SCN11A: variants seen among roughly 807,000 people sequenced by gnomAD.
The protein encoded by SCN11A is sodium voltage-gated channel alpha subunit 11.
Under a neutral mutation model 162.2 loss-of-function variants are expected in SCN11A, and 122 were observed. That is an observed-to-expected ratio of 0.75 (90% CI 0.65 to 0.87). The LOEUF is 0.87. SCN11A is among the 40% of genes least tolerant of loss of function. The pLI is 0.00. For missense variants in SCN11A, 2,015 were observed against 2,181.6 expected (o/e 0.92, Z 1.52); for synonymous variants, 758 against 751.5 (o/e 1.01, Z -0.14).
chr3:38,871,700 G>T lies in SCN11A; in HGVS notation c.3504C>A (p.Val1168=). ...LSQFEGMKVV[V]NALIGAIPAI... ...CAGGTATGGCACCTATGAGAGCATTGACCACCACCTTATGGAAACAAAAGC... is the reference window on the plus strand; with the variant it reads ...CAGGTATGGCACCTATGAGAGCATTTACCACCACCTTATGGAAACAAAAGC... The change falls in exon 25 of 30, where the codon GTC becomes GTA. Residue 1168 remains valine, a synonymous_variant. Coordinates refer to ENST00000302328, the MANE Select transcript of SCN11A (RefSeq NM_001349253.2). 1 of 1,597,160 alleles carries T rather than the reference G, an allele frequency of 6.3e-7. No individual in the cohort carries two copies. The highest frequency in any genetic ancestry group is 1.1e-5 in the South Asian group (1 of 87,394).
At chr3:38,850,814 A>G in intron 28 of SCN11A, 63 bp from the exon 29 acceptor site, 1 of 1,344,836 alleles carries the variant, frequency 7.4e-7, no homozygotes, top group Non-Finnish European at 1.0e-6. Flanking sequence ...TACAATAAAA[A>G]GAACATAAAT....
chr3:39,051,551 A>C (rs184530504), intron 1 of SCN11A, among the ~76,000 whole-genome samples: 5 of 152,120 alleles, frequency 3.3e-5, no homozygotes, highest in Non-Finnish European at 5.9e-5. Flanking sequence ...AAGGACTTCT[A>C]TCTCTCCCCC....
chr3:39,012,088 G>A (rs2031156118), intron 2 of SCN11A, among the ~76,000 whole-genome samples: 1 of 152,168 alleles, frequency 6.6e-6, no homozygotes, highest in African/African-American at 2.4e-5. Flanking sequence ...CACTTTGGGA[G>A]GCCAAGGCGG....
chr3:39,029,132 G>A (rs572948268), intron 2 of SCN11A, among the ~76,000 whole-genome samples: 3 of 152,018 alleles, frequency 2.0e-5, no homozygotes, highest in South Asian at 4.1e-4. Flanking sequence ...TTAATATACC[G>A]GTAGGTAAAT....
intron 19 of SCN11A, among the ~76,000 whole-genome samples, chr3:38,889,836 AT>A (rs202056017): frequency 2.2e-5 from 3 of 134,408 alleles, no homozygotes. Flanking sequence ...ATAAAATAAA[AT>A]AAAATAAAAT....
chr3:38,876,901 C>T (rs965969841), intron 23 of SCN11A, among the ~76,000 whole-genome samples: 2 of 151,660 alleles, frequency 1.3e-5, no homozygotes, highest in Non-Finnish European at 2.9e-5. Context: ...CACTTGCACA[C>T]ACGTTTATAG....
intron 24 of SCN11A, 81 bp from the exon 25 acceptor site, chr3:38,871,789 T>C: frequency 8.7e-7 from 1 of 1,152,010 alleles, no homozygotes; most frequent in Non-Finnish European, 1.2e-6. Context: ...ATGGGCCTGA[T>C]GTGCAGGGCT....
chr3:38,920,519 C>T (rs777116165), intron 10 of SCN11A, among the ~76,000 whole-genome samples: 2 of 152,008 alleles, frequency 1.3e-5, no homozygotes, highest in African/African-American at 2.4e-5. Context: ...GGTGAAACCT[C>T]GTCTCTACTA....
chr3:39,020,575 GA>G, intron 2 of SCN11A, among the ~76,000 whole-genome samples: 1 of 152,214 alleles, frequency 6.6e-6, no homozygotes, highest in Non-Finnish European at 1.5e-5. Flanking sequence ...CCTTGAGAGA[GA>G]AAATCGAAGG....
intron 1 of SCN11A, among the ~76,000 whole-genome samples, chr3:39,051,597 T>G (rs955533165): frequency 6.6e-6 from 1 of 152,190 alleles, no homozygotes; most frequent in African/African-American, 2.4e-5. Flanking sequence ...CATTTTTAGG[T>G]ACTTAACAGT....
intron 11 of SCN11A, among the ~76,000 whole-genome samples, chr3:38,913,108 G>A (rs1006899169): frequency 4.6e-5 from 7 of 152,120 alleles, no homozygotes; most frequent in Admixed American, 4.6e-4. Context: ...TACTAACAGT[G>A]TATGTGTTCC....
At position 38,925,495 on chromosome 3, in the gene SCN11A, A is replaced by G; in HGVS notation, c.632T>C (p.Ile211Thr). The change falls in exon 9 of 30, where the codon ATT (isoleucine) becomes ACT (threonine). Residue 211 changes from isoleucine to threonine, a missense_variant. By Grantham distance (89) the Ile-to-Thr change is moderately conservative (BLOSUM62 -1). Coordinates refer to ENST00000302328, the MANE Select transcript of SCN11A (RefSeq NM_001349253.2). Reference protein sequence around the residue: ...IVIGIAIVSYIPGITIKLLPL... With the variant: ...IVIGIAIVSYTPGITIKLLPL... ...CAATAGTTTGATGGTGATTCCTGGA[A>G]TATATGACACAATCCTACAAGACAA... The G allele has an allele frequency of 6.2e-7, 1 of 1,612,362 alleles. No homozygotes were observed. The highest frequency in any genetic ancestry group is 1.3e-5 in the African/African-American group (1 of 74,986).
intron 20 of SCN11A, 44 bp from the exon 21 acceptor site, chr3:38,885,446 C>T (rs1440662056): frequency 9.9e-7 from 1 of 1,012,994 alleles, no homozygotes; most frequent in South Asian, 1.3e-5. Context: ...TTACTAAGAC[C>T]TTCTTTCACC....
At position 38,845,884 on chromosome 3, in the gene SCN11A, C is replaced by T. The variant is rs2064652240; in HGVS notation, c.*810G>A. 1 of 151,694 alleles carries T rather than the reference C, an allele frequency of 6.6e-6. No individual in the cohort carries two copies. Among genetic ancestry groups the T allele is most frequent in the African/African-American group, 2.4e-5 (1 of 41,246 alleles). The allele number at this position is 151,694 out of a possible 1,614,324, so 9.4% of individuals were successfully genotyped here. On this transcript the variant is annotated 3_prime_UTR_variant, in exon 30 of 30. Transcript: ENST00000302328. ...TTGTGCCTCTAGGTTTTAAACAAAC[C>T]CAAAATAATTAATGTTGGTAAAAAA...
intron 2 of SCN11A, among the ~76,000 whole-genome samples, chr3:38,963,453 T>G (rs531687245): frequency 4.5e-5 from 5 of 109,892 alleles, no homozygotes; most frequent in Non-Finnish European, 8.6e-5. Flanking sequence ...ATGATGGAGA[T>G]ATATATATAT....
intron 20 of SCN11A, 80 bp downstream of exon 20, chr3:38,886,045 C>A: frequency 1.1e-6 from 1 of 896,794 alleles, no homozygotes; most frequent in Non-Finnish European, 1.8e-6. Flanking sequence ...ATTAATTGTG[C>A]CATTTTTCCA....
chr3:38,902,227 C>T (rs1278873696), intron 16 of SCN11A, among the ~76,000 whole-genome samples: 1 of 152,198 alleles, frequency 6.6e-6, no homozygotes, highest in Non-Finnish European at 1.5e-5. Flanking sequence ...AATTTCAGCT[C>T]ATTTCTGAGA....
chr3:38,972,264 C>G (rs1413698666), intron 2 of SCN11A, among the ~76,000 whole-genome samples: 1 of 152,094 alleles, frequency 6.6e-6, no homozygotes, highest in African/African-American at 2.4e-5. Flanking sequence ...TTCATTTCTC[C>G]AGGACCTCAT....
In SCN11A at chr3:38,894,751, A is replaced by C. The variant is rs779962265; in HGVS notation, c.2617T>G (p.Cys873Gly). The change falls in exon 19 of 30, where the codon TGT (cysteine) becomes GGT (glycine). Residue 873 changes from cysteine to glycine, a missense_variant. Coordinates refer to ENST00000302328, the MANE Select transcript of SCN11A (RefSeq NM_001349253.2). Reference sequence around the variant, plus strand: ...ATGATGTCTTTGCTTTGTGCAGCACAGCCTCCTGCCACCTCTTTTTGCTGT... The same window carrying C: ...ATGATGTCTTTGCTTTGTGCAGCACCGCCTCCTGCCACCTCTTTTTGCTGT... ...LPQQKEVAGG[C>G]AAQSKDIIPL... The C allele has an allele frequency of 6.2e-7, 1 of 1,614,204 alleles. No homozygotes were observed.
Sources: gnomAD v4.1 joint callset for allele counts (sites outside exome capture counted in the v4.1 genomes callset) on GRCh38, gnomAD v4.1.1 for gene constraint, MANE v1.5 for transcripts, NCBI Gene and HGNC (gene_info 2026-07-23, HGNC 2026-07-21) for gene names.